Variants in NDUFA10 observed in about 807,000 individuals in gnomAD.
The protein encoded by NDUFA10 is NADH:ubiquinone oxidoreductase subunit A10, also known as NADH dehydrogenase [ubiquinone] 1 alpha subcomplex subunit 10, mitochondrial.
NDUFA10 carries 40 observed loss-of-function variants against 47.8 expected under a neutral mutation model. That is an observed-to-expected ratio of 0.84 (90% CI 0.65 to 1.09). NDUFA10 has a LOEUF of 1.09. Among genes scored for constraint, NDUFA10 ranks in the 50% least tolerant of loss-of-function variants. NDUFA10 has a pLI of 0.00. For missense variants in NDUFA10, 413 were observed against 451.1 expected, an observed-to-expected ratio of 0.92 and a Z score of 0.76; for synonymous variants, 183 against 172.2, an observed-to-expected ratio of 1.06 and a Z score of -0.49.
At chr2:239,939,991 C>T (rs1166153203) in intron 4 of NDUFA10, among the ~76,000 whole-genome samples, 1 of 152,242 alleles carries the variant, frequency 6.6e-6, no homozygotes, top group South Asian at 2.1e-4. Context: ...GGGGAAGGGT[C>T]ATGTCTTGCT....
chr2:239,999,283 G>A (rs73105391), intron 8 of NDUFA10, among the ~76,000 whole-genome samples: 29,506 of 152,140 alleles, frequency 0.19, 3,283 homozygotes, highest in African/African-American at 0.31. Flanking sequence ...GGTGAATGCC[G>A]ACCGTCCTCT....
intron 4 of NDUFA10, among the ~76,000 whole-genome samples, chr2:239,915,904 C>T (rs1693861079): frequency 2.7e-5 from 4 of 148,694 alleles, no homozygotes; most frequent in African/African-American, 1.0e-4. Flanking sequence ...CAGAGATACA[C>T]ATACACACAC....
At chr2:240,015,532 T>C (rs1447538135) in intron 4 of NDUFA10, among the ~76,000 whole-genome samples, 1 of 152,266 alleles carries the variant, frequency 6.6e-6, no homozygotes, top group Non-Finnish European at 1.5e-5. Flanking sequence ...CAGAAGTATC[T>C]ACTGAGTCAG....
rs146745444 is a variant in NDUFA10 at position 239,958,979 on chromosome 2, C to T, written c.*2139G>A. 9.1e-6 allele frequency: 9 copies of T among 985,438 alleles called. No individual in the cohort carries two copies. Among genetic ancestry groups the T allele is most frequent in the Admixed American group, 6.1e-5 (1 of 16,284 alleles). 61.0% of individuals were successfully genotyped at this position (985,438 alleles called of 1,614,324 possible). A position where few individuals can be genotyped will look rare whatever the true frequency, so the allele number is the denominator to read the frequency against. ...GTTGTAAGAGCTTTCGTGAGACGAA[C>T]GCATGTACTGCTCTGAAATAAGGAA... On this transcript the variant is annotated 3_prime_UTR_variant, in exon 10 of 10. Coordinates refer to ENST00000252711, the MANE Select transcript of NDUFA10 (RefSeq NM_004544.4).
chr2:239,929,220 C>T (rs916054752), intron 4 of NDUFA10, among the ~76,000 whole-genome samples: 4 of 152,182 alleles, frequency 2.6e-5, no homozygotes, highest in Non-Finnish European at 4.4e-5. Flanking sequence ...CAACCGGTGG[C>T]CTGGCTGCTG....
chr2:239,947,231 G>A (rs1392269274), intron 4 of NDUFA10, among the ~76,000 whole-genome samples: 2 of 152,210 alleles, frequency 1.3e-5, no homozygotes, highest in African/African-American at 4.8e-5. Flanking sequence ...TTATCTGGCA[G>A]CAGGCATCCG....
At chr2:239,993,829 C>A (rs1696354782) in intron 8 of NDUFA10, among the ~76,000 whole-genome samples, 1 of 152,024 alleles carries the variant, frequency 6.6e-6, no homozygotes. Context: ...AAGGAGGGTT[C>A]AAGCTAGGAT....
At chr2:239,900,411 A>G (rs1252370909) in intron 4 of NDUFA10, among the ~76,000 whole-genome samples, 1 of 142,316 alleles carries the variant, frequency 7.0e-6, no homozygotes, top group Admixed American at 7.2e-5. Flanking sequence ...ACAGGCCTCT[A>G]GCCAGGGCAC....
intron 7 of NDUFA10, among the ~76,000 whole-genome samples, chr2:240,006,265 G>A (rs1000994313): frequency 2.0e-5 from 3 of 152,162 alleles, no homozygotes; most frequent in East Asian, 1.9e-4. Context: ...AACAGAAGGC[G>A]GAGGAGAAAA....
chr2:239,974,143 G>C (rs1186376654), intron 9 of NDUFA10, among the ~76,000 whole-genome samples: 1 of 152,146 alleles, frequency 6.6e-6, no homozygotes, highest in African/African-American at 2.4e-5. Flanking sequence ...TGGCCAGGCT[G>C]ATCTCCAACT....
At position 239,949,523 on chromosome 2, in the gene NDUFA10, TTTTG is replaced by T. The variant is rs368757908; in HGVS notation, c.294+40547_294+40550del. 3.3e-4 allele frequency among the ~76,000 whole-genome samples: 51 copies of T among 152,312 alleles called. No homozygotes were observed. In the East Asian group the frequency reaches 6.2e-3, roughly 18 times the overall value. On this transcript the variant is annotated intron_variant, in intron 4 of 5. Coordinates refer to the NDUFA10 transcript ENST00000419408. The stretch of plus-strand genomic sequence containing the variant: ...TCTCTGCCTGTTTTTTGTTTTTTGC[TTTTG>T]TTTGTTTGTTTTTTAGAGACAAGGT...
At chr2:240,020,079 TA>T (rs1697556454) in intron 3 of NDUFA10, among the ~76,000 whole-genome samples, 1 of 152,250 alleles carries the variant, frequency 6.6e-6, no homozygotes, top group Non-Finnish European at 1.5e-5. Context: ...TACAACTGTG[TA>T]GATACGTGTC....
intron 4 of NDUFA10, chr2:240,017,738 A>G: frequency 8.2e-7 from 1 of 1,216,520 alleles, no homozygotes. Flanking sequence ...GCGGGCGGCA[A>G]GCTCACAGGT....
intron 9 of NDUFA10, among the ~76,000 whole-genome samples, chr2:239,962,753 C>CA (rs1394890376): frequency 6.6e-6 from 1 of 152,138 alleles, no homozygotes; most frequent in Non-Finnish European, 1.5e-5. Flanking sequence ...CAGGAAGCTT[C>CA]CAATCATAGT....
intron 6 of NDUFA10, among the ~76,000 whole-genome samples, chr2:240,010,282 G>A (rs747676903): frequency 6.6e-6 from 1 of 152,166 alleles, no homozygotes; most frequent in Admixed American, 6.5e-5. Context: ...TAAAAACACA[G>A]CAAGACCAAG....
At chr2:239,922,873 G>A (rs948941240) in intron 4 of NDUFA10, among the ~76,000 whole-genome samples, 11 of 152,196 alleles carry the variant, frequency 7.2e-5, no homozygotes, top group Admixed American at 1.3e-4. Flanking sequence ...ACACCTTTGC[G>A]AAGTAGAAAG....
intron 4 of NDUFA10, among the ~76,000 whole-genome samples, chr2:239,905,583 G>T (rs1324124576): frequency 6.6e-6 from 1 of 152,156 alleles, no homozygotes; most frequent in Admixed American, 6.5e-5. Context: ...TGCCGCGTCG[G>T]GGGGTTTACG....
Position 239,899,049 on chromosome 2 carries a change from T to C in NDUFA10, c.295-3735A>G, listed in dbSNP as rs1233527623. On this transcript the variant is annotated intron_variant, in intron 4 of 5. Transcript: ENST00000419408. ...GGAGGGGTGTAAAGGAGGGGTGTGA[T>C]GGAGGAGTGTGATGGAGGGGTGTGA... Among the ~76,000 whole-genome samples, 4 of 41,846 alleles carry C rather than the reference T, an allele frequency of 9.6e-5. 1 individual carries two copies. The highest frequency in any genetic ancestry group is 1.6e-4 in the Non-Finnish European group (3 of 18,762). 27.5% of individuals were successfully genotyped at this position (41,846 alleles called of 152,430 possible). A position where few individuals can be genotyped will look rare whatever the true frequency, so the allele number is the denominator to read the frequency against.
At chr2:239,940,634 C>T (rs2106378394) in intron 4 of NDUFA10, among the ~76,000 whole-genome samples, 1 of 152,296 alleles carries the variant, frequency 6.6e-6, no homozygotes, top group Middle Eastern at 3.4e-3. Context: ...TAAAAAGGAA[C>T]ACATTTGAAA....
Sources: allele counts gnomAD v4.1 joint callset (sites outside exome capture counted in the v4.1 genomes callset), GRCh38; gene constraint gnomAD v4.1.1; transcripts MANE v1.5; gene names NCBI Gene and HGNC (gene_info 2026-07-23, HGNC 2026-07-21).